Variants in APLF observed in about 807,000 individuals in gnomAD.
APLF encodes the protein aprataxin and PNKP like factor.
In APLF, 61 loss-of-function variants were observed where a neutral mutation model predicts 55.6. The ratio of observed to expected loss-of-function variants is 1.10; its 90% CI spans 0.89 to 1.36. APLF has a LOEUF of 1.36. APLF is among the 40% of genes most tolerant of loss of function. The pLI is 0.00. For synonymous variants in APLF, 207 were observed against 214.8 expected, an observed-to-expected ratio of 0.96 and a Z score of 0.32; for missense variants, 611 against 602.5, an observed-to-expected ratio of 1.01 and a Z score of -0.15.
At chr2:68,492,180 C>G (rs1038188946) in intron 2 of APLF, among the ~76,000 whole-genome samples, 20 of 152,048 alleles carry the variant, frequency 1.3e-4, no homozygotes, top group African/African-American at 4.8e-4. Context: ...TGTGGCTATT[C>G]AAAAGAGTAC....
intron 2 of APLF, among the ~76,000 whole-genome samples, chr2:68,491,857 T>G (rs1446191814): frequency 6.6e-6 from 1 of 152,178 alleles, no homozygotes; most frequent in Admixed American, 6.5e-5. Flanking sequence ...GTGAACAAAT[T>G]AACCAGTGGA....
intron 3 of APLF, among the ~76,000 whole-genome samples, chr2:68,506,235 T>C (rs1487474250): frequency 7.3e-6 from 1 of 137,866 alleles, no homozygotes; most frequent in Non-Finnish European, 1.5e-5. Context: ...CAGGTAATGA[T>C]GAGTTAACCC....
intron 1 of APLF, among the ~76,000 whole-genome samples, chr2:68,486,346 C>T (rs1676174687): frequency 6.6e-6 from 1 of 152,074 alleles, no homozygotes; most frequent in Admixed American, 6.5e-5. Context: ...AGAAGTGGTG[C>T]CTTTTCTGAG....
At chr2:68,555,571 AC>A (rs2104038889) in intron 8 of APLF, among the ~76,000 whole-genome samples, 1 of 152,312 alleles carries the variant, frequency 6.6e-6, no homozygotes, top group South Asian at 2.1e-4. Context: ...GCTCAATATC[AC>A]TAGTGATCAG....
At chr2:68,530,786 CAT>C (rs1443560218) in intron 6 of APLF, among the ~76,000 whole-genome samples, 2 of 151,964 alleles carry the variant, frequency 1.3e-5, no homozygotes, top group Non-Finnish European at 2.9e-5. Flanking sequence ...ACTAGGGAAA[CAT>C]GTATGAAAAA....
chr2:68,531,510 C>T (rs954601278), intron 6 of APLF: 17 of 152,258 alleles, frequency 1.1e-4, no homozygotes, highest in African/African-American at 3.9e-4. Context: ...GCCTGTCTTC[C>T]AGCTACAGAA....
At position 68,502,848 on chromosome 2, in the gene APLF, T is replaced by TA. The variant is rs749461201; in HGVS notation, c.287dup (p.Tyr96Ter). ...CAGCTTTTCTTTGTTAGTTGACAAA[T>TA]ACATTTTCCGCATTCTCTCTATACC... Reference protein sequence around the residue: ...GDSFSLLVDKYIFRILSIPSE... With the variant: ...GDSFSLLVDK Residue 96 changes from tyrosine (Y) to a stop codon, truncating the protein, a stop_gained and frameshift_variant, in exon 3 of 10, where the codon TAC (tyrosine) becomes TAAC (stop). Transcript: ENST00000303795. LOFTEE classifies it high-confidence loss of function. 1.2e-6 allele frequency: 2 copies of TA among 1,606,974 alleles called. No homozygotes were observed. The highest frequency in any genetic ancestry group is 2.2e-5 in the South Asian group (2 of 89,746).
chr2:68,525,818 C>T (rs1217155289), intron 5 of APLF, among the ~76,000 whole-genome samples: 10 of 130,196 alleles, frequency 7.7e-5, no homozygotes, highest in South Asian at 2.4e-4. Context: ...GGTGTGATCT[C>T]GGCTCACTGC....
intron 9 of APLF, among the ~76,000 whole-genome samples, chr2:68,569,126 T>G (rs779792192): frequency 1.7e-4 from 26 of 152,146 alleles, no homozygotes; most frequent in Admixed American, 1.0e-3. Flanking sequence ...ATGTATTGAT[T>G]CATTTACTCA....
At chr2:68,538,642 TTGA>T (rs60682306) in intron 7 of APLF, among the ~76,000 whole-genome samples, 13,021 of 152,120 alleles carry the variant, frequency 0.086, 1,599 homozygotes, top group African/African-American at 0.27. Context: ...TAATGGTGCT[TTGA>T]ATCATCATGG....
chr2:68,483,194 G>A (rs1676018632), intron 1 of APLF, among the ~76,000 whole-genome samples: 3 of 152,078 alleles, frequency 2.0e-5, no homozygotes, highest in African/African-American at 7.3e-5. Flanking sequence ...GGTGGGGAGC[G>A]CATAACACGA....
chr2:68,467,893 C>T, intron 1 of APLF, 66 bp downstream of exon 1: 15 of 1,171,780 alleles, frequency 1.3e-5, no homozygotes, highest in Non-Finnish European at 1.5e-5. Context: ...TCCTGAAGAC[C>T]GGCCCTAGTC....
Position 68,502,785 on chromosome 2 carries a change from T to C in APLF, c.223T>C (p.Leu75=). 6.2e-7 allele frequency: 1 copy of C among 1,605,196 alleles called. No individual in the cohort carries two copies. ...QSSEKSQLLP[L]KPNLWCYLNP... is the part of the protein sequence containing the mutation. ...TTCAGAGAAGAGTCAGCTCTTACCATTGAAGCCAAATCTATGGTGCTATTT... is the reference window on the plus strand; with the variant it reads ...TTCAGAGAAGAGTCAGCTCTTACCACTGAAGCCAAATCTATGGTGCTATTT... Residue 75 remains leucine (L), a synonymous_variant, in exon 3 of 10, where the codon TTG becomes CTG. Coordinates refer to ENST00000303795, the MANE Select transcript of APLF (RefSeq NM_173545.3).
At chr2:68,468,747 C>G (rs1317928577) in intron 1 of APLF, among the ~76,000 whole-genome samples, 1 of 152,148 alleles carries the variant, frequency 6.6e-6, no homozygotes, top group East Asian at 1.9e-4. Flanking sequence ...TTTGCAGATT[C>G]TAGCACTGTG....
At chr2:68,542,349 AC>A (rs1371222448) in intron 7 of APLF, among the ~76,000 whole-genome samples, 1 of 149,906 alleles carries the variant, frequency 6.7e-6, no homozygotes, top group African/African-American at 2.5e-5. Context: ...AACAAAATTA[AC>A]ACAGAGTGAA....
At chr2:68,513,740 C>A (rs781152505) in intron 5 of APLF, 60 bp downstream of exon 5, 3 of 1,569,868 alleles carry the variant, frequency 1.9e-6, no homozygotes, top group Admixed American at 1.8e-5. Flanking sequence ...AATTTGAAAG[C>A]TTTTCTGAAG....
chr2:68,496,910 C>A (rs887170482), intron 2 of APLF, among the ~76,000 whole-genome samples: 1 of 152,182 alleles, frequency 6.6e-6, no homozygotes, highest in African/African-American at 2.4e-5. Context: ...TCCAAACTTT[C>A]TCTCATCTTC....
chr2:68,505,780 C>T (rs965711957), intron 3 of APLF, among the ~76,000 whole-genome samples: 1 of 151,976 alleles, frequency 6.6e-6, no homozygotes, highest in African/African-American at 2.4e-5. Flanking sequence ...TGTTCACCAA[C>T]CTGGAAGTCC....
intron 6 of APLF, among the ~76,000 whole-genome samples, chr2:68,527,939 G>A (rs1573223955): frequency 6.7e-6 from 1 of 148,832 alleles, no homozygotes; most frequent in South Asian, 2.1e-4. Context: ...CCCAGACGGG[G>A]CAGGGCCCGG....
Sources: allele counts gnomAD v4.1 joint callset (sites outside exome capture counted in the v4.1 genomes callset), GRCh38; gene constraint gnomAD v4.1.1; transcripts MANE v1.5; gene names NCBI Gene and HGNC (gene_info 2026-07-23, HGNC 2026-07-21).